CFAP61: variants seen among roughly 807,000 people sequenced by gnomAD.
CFAP61 encodes cilia and flagella associated protein 61, also known as cilia- and flagella-associated protein 61.
Under a neutral mutation model 135.6 loss-of-function variants are expected in CFAP61, and 107 were observed. The ratio of observed to expected loss-of-function variants is 0.79; its 90% CI spans 0.67 to 0.93. The LOEUF is 0.93. Ranked by LOEUF, CFAP61 falls within the 40% of genes least tolerant of loss-of-function variation. The pLI is 0.00. For synonymous variants in CFAP61, 575 were observed against 578.5 expected (o/e 0.99, Z 0.09); for missense variants, 1,507 against 1,556.2 (o/e 0.97, Z 0.53).
At chr20:20,082,753 TAATCATCAGGGAAATGCA>T (rs1316528980) in intron 6 of CFAP61, among the ~76,000 whole-genome samples, 4 of 152,212 alleles carry the variant, frequency 2.6e-5, no homozygotes, top group African/African-American at 9.6e-5. Context: ...GAAAAATCTC[TAATCATCAGGGAAATGCA>T]AATTAAACCA....
At chr20:20,243,055 A>G (rs1418834521) in intron 18 of CFAP61, among the ~76,000 whole-genome samples, 1 of 152,230 alleles carries the variant, frequency 6.6e-6, no homozygotes, top group Non-Finnish European at 1.5e-5. Context: ...TACAAAAGAA[A>G]GAGGTTTAAT....
chr20:20,266,351 C>G (rs1295175380), intron 21 of CFAP61, among the ~76,000 whole-genome samples: 1 of 152,186 alleles, frequency 6.6e-6, no homozygotes, highest in African/African-American at 2.4e-5. Context: ...AGCATTGCTT[C>G]TGAGACATCT....
At chr20:20,230,561 GTTT>G (rs888935979) in intron 18 of CFAP61, among the ~76,000 whole-genome samples, 5 of 152,012 alleles carry the variant, frequency 3.3e-5, no homozygotes, top group African/African-American at 9.7e-5. Context: ...GTTTGTTTTT[GTTT>G]TTGTTTTGAG....
At chr20:20,102,852 A>C (rs1384285508) in intron 8 of CFAP61, among the ~76,000 whole-genome samples, 1 of 152,156 alleles carries the variant, frequency 6.6e-6, no homozygotes, top group Non-Finnish European at 1.5e-5. Context: ...ATTTCACACC[A>C]ACCTCAACCC....
chr20:20,326,847 G>A (rs1474882415), intron 25 of CFAP61, among the ~76,000 whole-genome samples: 1 of 151,994 alleles, frequency 6.6e-6, no homozygotes, highest in Non-Finnish European at 1.5e-5. Context: ...AATTATTTTT[G>A]GAATTTTAAC....
intron 8 of CFAP61, among the ~76,000 whole-genome samples, chr20:20,105,307 G>C (rs1247109407): frequency 6.6e-6 from 1 of 152,058 alleles, no homozygotes; most frequent in African/African-American, 2.4e-5. Flanking sequence ...TCTGTGCCCT[G>C]GTCACCTCCA....
chr20:20,070,485 C>CTTGG (rs1228623694), intron 2 of CFAP61, among the ~76,000 whole-genome samples: 1 of 152,172 alleles, frequency 6.6e-6, no homozygotes, highest in Non-Finnish European at 1.5e-5. Context: ...AAGAGAGACA[C>CTTGG]TTGGCCACCC....
At chr20:20,256,939 T>C (rs1282697187) in intron 20 of CFAP61, among the ~76,000 whole-genome samples, 1 of 152,230 alleles carries the variant, frequency 6.6e-6, no homozygotes, top group Admixed American at 6.5e-5. Flanking sequence ...TAGCCTCTGC[T>C]CTTCCGATGC....
At chr20:20,096,472 T>C (rs572897441) in intron 7 of CFAP61, among the ~76,000 whole-genome samples, 10 of 152,380 alleles carry the variant, frequency 6.6e-5, no homozygotes, top group African/African-American at 2.4e-4. Flanking sequence ...CCAAACACAA[T>C]GAGCCATTAG....
rs199742905 is a variant in CFAP61, at chr20:20,298,328, C to G, written c.3364C>G (p.Gln1122Glu). The change falls in exon 25 of 27, where the codon CAA (glutamine) becomes GAA (glutamate). Residue 1122 changes from glutamine to glutamate, a missense_variant. By Grantham distance (29) the Gln-to-Glu change is conservative. Transcript: ENST00000245957. ...NYIRLFGQHE[Q>E]LLNNLCARYD... ...CATCCGCTTGTTTGGCCAGCACGAG[C>G]AACTCCTCAACAACCTGTGTGCTCG... is the stretch of plus-strand genomic sequence containing the variant. 1 of 1,614,144 alleles carries G rather than the reference C, an allele frequency of 6.2e-7. No individual in the cohort carries two copies. The highest frequency in any genetic ancestry group is 2.2e-5 in the East Asian group (1 of 44,890).
At chr20:20,128,591 C>A (rs145760124) in intron 8 of CFAP61, among the ~76,000 whole-genome samples, 2 of 151,792 alleles carry the variant, frequency 1.3e-5, no homozygotes, top group East Asian at 3.9e-4. Flanking sequence ...TCTGCGGGTC[C>A]TTTCAAGATT....
intron 13 of CFAP61, among the ~76,000 whole-genome samples, chr20:20,186,108 C>A (rs1458078832): frequency 6.6e-6 from 1 of 152,198 alleles, no homozygotes; most frequent in Admixed American, 6.5e-5. Flanking sequence ...GCAGTTACCA[C>A]GTCTATCTGG....
intron 7 of CFAP61, among the ~76,000 whole-genome samples, chr20:20,092,967 C>T (rs2047313291): frequency 6.6e-6 from 1 of 152,154 alleles, no homozygotes; most frequent in African/African-American, 2.4e-5. Flanking sequence ...CCAGCAATTC[C>T]ATACACAGAA....
chr20:20,251,636 G>A lies in CFAP61; in HGVS notation c.2201G>A (p.Cys734Tyr), dbSNP rs771372832. ...AAAGATTATGCACTGATGTCACTGT[G>A]CTCCTGGGTTAATGTCGTGGTGGGT... ...NDKDYALMSL[C>Y]SWVNVVVGRM... Residue 734 changes from cysteine (C) to tyrosine (Y), a missense_variant, in exon 20 of 27, where the codon TGC (cysteine) becomes TAC (tyrosine). Physicochemically the swap from Cys to Tyr is radical, Grantham distance 194. Coordinates refer to ENST00000245957, the MANE Select transcript of CFAP61 (RefSeq NM_015585.4). 2 of 1,614,202 alleles carry A rather than the reference G, an allele frequency of 1.2e-6. No individual in the cohort carries two copies. The highest frequency in any genetic ancestry group is 2.2e-5 in the East Asian group (1 of 44,886).
intron 8 of CFAP61, among the ~76,000 whole-genome samples, chr20:20,120,558 T>C (rs1249459595): frequency 6.6e-6 from 1 of 152,234 alleles, no homozygotes; most frequent in Non-Finnish European, 1.5e-5. Context: ...CTGGAGAATC[T>C]ATTCTGGAGA....
chr20:20,123,609 G>A (rs747463155), intron 8 of CFAP61, among the ~76,000 whole-genome samples: 3 of 151,582 alleles, frequency 2.0e-5, no homozygotes, highest in Non-Finnish European at 4.4e-5. Context: ...TCTATGTGCC[G>A]ATTTTTATAC....
intron 8 of CFAP61, among the ~76,000 whole-genome samples, chr20:20,107,339 G>A (rs931554906): frequency 2.0e-5 from 3 of 152,098 alleles, no homozygotes; most frequent in East Asian, 1.9e-4. Context: ...TTGGACTTTC[G>A]GTATTTTCAG....
chr20:20,069,911 G>T, intron 2 of CFAP61: 2 of 286,204 alleles, frequency 7.0e-6, no homozygotes, highest in Non-Finnish European at 1.4e-5. Flanking sequence ...GGTAACTGCT[G>T]CCTTCTTTGT....
At position 20,070,872 on chromosome 20, in the gene CFAP61, T is replaced by C; in HGVS notation, c.162T>C (p.Ala54=). ...IIYLLEKANL[A]VTLCNDKEEI... ...TCTGCAGAGAAAAGGCCAACCTTGCTGTTACCCTCTGCAATGACAAGGAGG... is the reference window on the plus strand; with the variant it reads ...TCTGCAGAGAAAAGGCCAACCTTGCCGTTACCCTCTGCAATGACAAGGAGG... Residue 54 remains alanine (A), a synonymous_variant, in exon 3 of 27, where the codon GCT becomes GCC. Transcript: ENST00000245957. 7 of 1,613,596 alleles carry C rather than the reference T, an allele frequency of 4.3e-6. No individual in the cohort carries two copies. The highest frequency in any genetic ancestry group is 5.9e-6 in the Non-Finnish European group (7 of 1,179,770).
Sources: gnomAD v4.1 joint callset for allele counts (sites outside exome capture counted in the v4.1 genomes callset) on GRCh38, gnomAD v4.1.1 for gene constraint, MANE v1.5 for transcripts, NCBI Gene and HGNC (gene_info 2026-07-23, HGNC 2026-07-21) for gene names.